Variants in BMPR1B observed in about 807,000 individuals in gnomAD.
BMPR1B encodes the protein bone morphogenetic protein receptor type-1B.
A neutral mutation model predicts 59.1 loss-of-function variants in BMPR1B; 12 were observed. The observed-to-expected ratio is 0.20, with a 90% CI of 0.13 to 0.33. The LOEUF (loss-of-function observed/expected upper bound fraction) is 0.33, where lower values mean the gene tolerates loss of function less well. Among genes scored for constraint, BMPR1B ranks in the 10% least tolerant of loss-of-function variants. The probability of loss-of-function intolerance (pLI) is 1.00; values close to 1 mark genes in which losing one functional copy is unlikely to be tolerated. For synonymous variants in BMPR1B, 237 were observed against 207.3 expected (o/e 1.14, Z -1.23); for missense variants, 550 against 610.9 (o/e 0.90, Z 1.05).
chr4:94,888,123 G>A (rs1380645473), intron 2 of BMPR1B, among the ~76,000 whole-genome samples: 3 of 151,990 alleles, frequency 2.0e-5, no homozygotes, highest in African/African-American at 7.2e-5. Context: ...AAATAAAGTG[G>A]CAATCAAGAA....
chr4:94,791,836 C>G (rs1475043225), intron 1 of BMPR1B, among the ~76,000 whole-genome samples: 3 of 151,990 alleles, frequency 2.0e-5, no homozygotes, highest in Admixed American at 1.3e-4. Flanking sequence ...CCCACCCCAC[C>G]CTAATTCCTC....
intron 3 of BMPR1B, among the ~76,000 whole-genome samples, chr4:95,040,082 G>A (rs888107738): frequency 3.4e-5 from 4 of 118,478 alleles, no homozygotes; most frequent in Non-Finnish European, 5.6e-5. Flanking sequence ...CTGATATTTC[G>A]TAGCACTGTT....
At chr4:94,907,242 A>G (rs919789388) in intron 2 of BMPR1B, among the ~76,000 whole-genome samples, 2 of 152,114 alleles carry the variant, frequency 1.3e-5, no homozygotes, top group Non-Finnish European at 2.9e-5. Context: ...CATTGACTAT[A>G]CCATAAACCC....
chr4:94,855,363 C>T (rs1028159355), intron 1 of BMPR1B, among the ~76,000 whole-genome samples: 1 of 152,118 alleles, frequency 6.6e-6, no homozygotes, highest in Admixed American at 6.6e-5. Flanking sequence ...GGTCACACAG[C>T]TATTAAATAG....
At chr4:95,094,549 A>G (rs1453129128) in intron 3 of BMPR1B, among the ~76,000 whole-genome samples, 2 of 152,064 alleles carry the variant, frequency 1.3e-5, no homozygotes, top group Non-Finnish European at 2.9e-5. Flanking sequence ...TATTATTGAC[A>G]ATTACTATGT....
At chr4:95,002,141 C>T (rs1014478127) in intron 3 of BMPR1B, among the ~76,000 whole-genome samples, 6 of 152,106 alleles carry the variant, frequency 3.9e-5, no homozygotes, top group African/African-American at 1.4e-4. Context: ...TTCCCTCCCT[C>T]CACCTCTGGT....
chr4:95,055,284 A>T (rs73838008), intron 3 of BMPR1B, among the ~76,000 whole-genome samples: 6,381 of 151,486 alleles, frequency 0.042, 455 homozygotes, highest in African/African-American at 0.15. Flanking sequence ...TAGGTTATAC[A>T]TTTTTTTTTA....
intron 2 of BMPR1B, among the ~76,000 whole-genome samples, chr4:94,893,826 G>C (rs2148992944): frequency 6.6e-6 from 1 of 152,102 alleles, no homozygotes; most frequent in South Asian, 2.1e-4. Context: ...AGAACCCACT[G>C]CTGCGTGGCA....
chr4:95,041,152 T>A (rs1337083229), intron 3 of BMPR1B, among the ~76,000 whole-genome samples: 1 of 152,162 alleles, frequency 6.6e-6, no homozygotes, highest in Non-Finnish European at 1.5e-5. Flanking sequence ...GCCCAAGTGA[T>A]CCTCCCACCT....
intron 2 of BMPR1B, among the ~76,000 whole-genome samples, chr4:94,917,819 G>A (rs180970967): frequency 1.2e-4 from 18 of 152,236 alleles, no homozygotes; most frequent in African/African-American, 3.1e-4. Context: ...ATACAGTTTG[G>A]ATATTTGTCC....
intron 3 of BMPR1B, among the ~76,000 whole-genome samples, chr4:95,015,836 G>A (rs913220317): frequency 1.3e-5 from 2 of 152,120 alleles, no homozygotes. Flanking sequence ...GGGATTACAG[G>A]CACATGCCAC....
intron 1 of BMPR1B, among the ~76,000 whole-genome samples, chr4:94,835,514 C>A (rs966214144): frequency 8.5e-5 from 13 of 152,122 alleles, no homozygotes; most frequent in Non-Finnish European, 1.6e-4. Context: ...AACAAGTGTT[C>A]AGGATCGCAA....
chr4:95,045,241 CA>C (rs1358553875), intron 3 of BMPR1B, among the ~76,000 whole-genome samples: 1 of 152,064 alleles, frequency 6.6e-6, no homozygotes, highest in East Asian at 1.9e-4. Flanking sequence ...TTCTTAGATA[CA>C]AAGGAAAATA....
At chr4:94,973,540 G>A (rs917568033) in intron 2 of BMPR1B, among the ~76,000 whole-genome samples, 1 of 152,174 alleles carries the variant, frequency 6.6e-6, no homozygotes, top group Non-Finnish European at 1.5e-5. Flanking sequence ...TCTCTTTGAT[G>A]TCCTACCATA....
chr4:94,958,515 G>A (rs1022875364), intron 2 of BMPR1B, among the ~76,000 whole-genome samples: 3 of 152,110 alleles, frequency 2.0e-5, no homozygotes, highest in African/African-American at 7.2e-5. Flanking sequence ...CCCTCTATGA[G>A]TGTCATCTCT....
At chr4:95,110,190 G>C (rs998607064) in intron 4 of BMPR1B, among the ~76,000 whole-genome samples, 15 of 151,900 alleles carry the variant, frequency 9.9e-5, no homozygotes, top group African/African-American at 3.6e-4. Context: ...GAATGGATTA[G>C]AGTTAGGAGA....
intron 2 of BMPR1B, among the ~76,000 whole-genome samples, chr4:94,901,199 G>T (rs866038701): frequency 1.3e-5 from 2 of 151,836 alleles, no homozygotes; most frequent in South Asian, 4.2e-4. Flanking sequence ...CTATTAATGG[G>T]GTCATGACAT....
At chr4:94,944,620 A>G (rs930581) in intron 2 of BMPR1B, among the ~76,000 whole-genome samples, 37,653 of 152,092 alleles carry the variant, frequency 0.25, 4,692 homozygotes, top group South Asian at 0.36. Flanking sequence ...TGTGGTTCAT[A>G]TAGGGTGTTA....
chr4:95,070,009 G>T (rs1395879172), intron 3 of BMPR1B, among the ~76,000 whole-genome samples: 1 of 152,234 alleles, frequency 6.6e-6, no homozygotes, highest in Non-Finnish European at 1.5e-5. Context: ...TGAAGCAGGA[G>T]AATCGCTTGA....
Sources: allele counts gnomAD v4.1 joint callset (sites outside exome capture counted in the v4.1 genomes callset), GRCh38; gene constraint gnomAD v4.1.1; transcripts MANE v1.5; gene names NCBI Gene and HGNC (gene_info 2026-07-23, HGNC 2026-07-21).